The following DPP10 variants were observed in gnomAD, a reference collection of about 807,000 sequenced individuals.
The protein encoded by DPP10 is dipeptidyl peptidase like 10, also known as inactive dipeptidyl peptidase 10.
A neutral mutation model predicts 120.9 loss-of-function variants in DPP10; 33 were observed. The ratio of observed to expected loss-of-function variants is 0.27; its 90% confidence interval spans 0.21 to 0.37. The LOEUF is 0.37. DPP10 is among the 10% of genes least tolerant of loss of function. DPP10 has a pLI of 1.00. For missense variants in DPP10, 816 were observed against 942.8 expected (o/e 0.87, Z 1.76); for synonymous variants, 337 against 326.1 (o/e 1.03, Z -0.36).
At chr2:115,038,611 A>G (rs1273378128) in intron 1 of DPP10, among the ~76,000 whole-genome samples, 1 of 152,140 alleles carries the variant, frequency 6.6e-6, no homozygotes, top group Non-Finnish European at 1.5e-5. Flanking sequence ...TCTTTGAGCC[A>G]GGGATTTAGA....
chr2:114,987,993 C>CG (rs886107311), intron 1 of DPP10, among the ~76,000 whole-genome samples: 29 of 151,382 alleles, frequency 1.9e-4, no homozygotes, highest in African/African-American at 6.3e-4. Context: ...TTAGTAGAGA[C>CG]GGGGGTTTCT....
chr2:114,772,514 T>C (rs1681358674), intron 1 of DPP10, among the ~76,000 whole-genome samples: 1 of 152,180 alleles, frequency 6.6e-6, no homozygotes, highest in Non-Finnish European at 1.5e-5. Context: ...TAGGCCTTTA[T>C]CAGACAGAGA....
intron 7 of DPP10, among the ~76,000 whole-genome samples, chr2:115,725,398 A>AT (rs1314697249): frequency 1.3e-5 from 2 of 152,170 alleles, no homozygotes; most frequent in Non-Finnish European, 2.9e-5. Context: ...ACAGCTACTT[A>AT]TTTTTTATCC....
In DPP10 at chr2:115,334,230, G is replaced by GTTTTTTTTTTT; in HGVS notation, c.176-9581_176-9571dup. On this transcript the variant is annotated intron_variant, in intron 2 of 25. Transcript: ENST00000410059. ...TCAGGAATGGACCAGAGCAGACTCT[G>GTTTTTTTTTTT]TTTTTTTTTTTTTTTTAAGAAACCT... 5.9e-3 allele frequency among the ~76,000 whole-genome samples: 330 copies of GTTTTTTTTTTT among 56,386 alleles called. 82 individuals are homozygous for GTTTTTTTTTTT. Among genetic ancestry groups the GTTTTTTTTTTT allele is most frequent in the Admixed American group, 0.017 (67 of 3,994 alleles). 37.0% of individuals were successfully genotyped at this position (56,386 alleles called of 152,430 possible).
chr2:115,162,138 C>G, intron 1 of DPP10: 1 of 1,532,006 alleles, frequency 6.5e-7, no homozygotes, highest in Non-Finnish European at 8.8e-7. Flanking sequence ...TCTTCTCACC[C>G]TCCCCCGCCC....
intron 3 of DPP10, among the ~76,000 whole-genome samples, chr2:115,389,140 A>G (rs562275359): frequency 6.6e-6 from 1 of 152,252 alleles, no homozygotes; most frequent in African/African-American, 2.4e-5. Context: ...AATGTATTCT[A>G]TGATTCCTTG....
At chr2:115,105,442 AGAG>A (rs2048902149) in intron 1 of DPP10, among the ~76,000 whole-genome samples, 1 of 149,650 alleles carries the variant, frequency 6.7e-6, no homozygotes, top group South Asian at 2.1e-4. Flanking sequence ...AGAGAGAGAG[AGAG>A]AGAGAGAGAG....
rs10192222 is a variant in DPP10 at position 115,076,316 on chromosome 2, T to C, written c.61-232923T>C. 6.1e-4 allele frequency among the ~76,000 whole-genome samples: 91 copies of C among 149,784 alleles called. 2 individuals are homozygous for C. Among genetic ancestry groups the C allele is most frequent in the African/African-American group, 2.1e-3 (85 of 40,450 alleles). On this transcript the variant is annotated intron_variant, in intron 1 of 25. Transcript: ENST00000410059. ...AGATCCTTTTTCTACCTTTCTCCCATATCATTTCCTTCCCTCCTCCTCCAC... is the reference window on the plus strand; with the variant it reads ...AGATCCTTTTTCTACCTTTCTCCCACATCATTTCCTTCCCTCCTCCTCCAC...
At chr2:115,706,459 C>G (rs2092109627) in intron 7 of DPP10, among the ~76,000 whole-genome samples, 1 of 151,888 alleles carries the variant, frequency 6.6e-6, no homozygotes. Flanking sequence ...GATTTTCTAA[C>G]TGTTCACCTG....
At chr2:115,582,065 G>T (rs2082029562) in intron 5 of DPP10, among the ~76,000 whole-genome samples, 1 of 152,138 alleles carries the variant, frequency 6.6e-6, no homozygotes, top group African/African-American at 2.4e-5. Flanking sequence ...AGTAAATAAA[G>T]TACACTTGGA....
rs116398484 is a variant in DPP10 at position 115,337,285 on chromosome 2, G to A, written c.176-6532G>A. Among the ~76,000 whole-genome samples, 1,490 of 152,196 alleles carry A rather than the reference G, an allele frequency of 9.8e-3. 16 individuals are homozygous for A. The highest frequency in any genetic ancestry group is 0.015 in the Non-Finnish European group (1,046 of 68,010). ...GCTCCAGAGGGGCTTACACTAAGGA[G>A]TTGGATTTCAGTTGGAAGAAGGGTT... On this transcript the variant is annotated intron_variant, in intron 2 of 25. Coordinates refer to ENST00000410059, the MANE Select transcript of DPP10 (RefSeq NM_020868.6).
At chr2:114,610,075 C>T (rs376189833) in intron 1 of DPP10, among the ~76,000 whole-genome samples, 6 of 152,154 alleles carry the variant, frequency 3.9e-5, no homozygotes, top group East Asian at 1.9e-4. Context: ...CAGTATTTCA[C>T]GGGAACAACA....
At chr2:115,676,264 T>C (rs1014243561) in intron 5 of DPP10, among the ~76,000 whole-genome samples, 17 of 152,310 alleles carry the variant, frequency 1.1e-4, no homozygotes, top group African/African-American at 3.6e-4. Flanking sequence ...TTAGAGACAC[T>C]GCTGACATTG....
intron 19 of DPP10, among the ~76,000 whole-genome samples, chr2:115,812,630 A>G (rs1028647111): frequency 3.9e-5 from 6 of 152,222 alleles, no homozygotes; most frequent in Non-Finnish European, 5.9e-5. Flanking sequence ...AAGAAAATAT[A>G]AAAGAAAAGA....
chr2:114,693,448 C>G (rs1699888088), intron 1 of DPP10, among the ~76,000 whole-genome samples: 1 of 151,970 alleles, frequency 6.6e-6, no homozygotes, highest in African/African-American at 2.4e-5. Context: ...GAGAAGTCCA[C>G]TGTTAGTCTG....
intron 1 of DPP10, among the ~76,000 whole-genome samples, chr2:114,695,811 A>C (rs1700035530): frequency 6.6e-6 from 1 of 152,096 alleles, no homozygotes; most frequent in African/African-American, 2.4e-5. Flanking sequence ...TTTTATTATC[A>C]ACTGAACCTA....
intron 1 of DPP10, among the ~76,000 whole-genome samples, chr2:114,628,797 T>G (rs1694702873): frequency 6.6e-6 from 1 of 152,178 alleles, no homozygotes; most frequent in South Asian, 2.1e-4. Flanking sequence ...ACTCTCTGGA[T>G]GCTCAGAGAG....
At chr2:114,840,722 G>A (rs1688088750) in intron 1 of DPP10, among the ~76,000 whole-genome samples, 2 of 152,140 alleles carry the variant, frequency 1.3e-5, no homozygotes, top group South Asian at 4.1e-4. Context: ...AGAAGTCACA[G>A]AGTATTTACA....
chr2:115,087,870 C>A (rs1355223396), intron 1 of DPP10, among the ~76,000 whole-genome samples: 2 of 152,234 alleles, frequency 1.3e-5, no homozygotes, highest in East Asian at 1.9e-4. Context: ...GCCTTTCTAA[C>A]AAGTTCTCAA....
Sources: allele counts gnomAD v4.1 joint callset (sites outside exome capture counted in the v4.1 genomes callset), GRCh38; gene constraint gnomAD v4.1.1; transcripts MANE v1.5; gene names NCBI Gene and HGNC (gene_info 2026-07-23, HGNC 2026-07-21).